The following BTD variants were observed in gnomAD, a reference collection of about 807,000 sequenced individuals.
BTD encodes the protein biotinidase.
BTD carries 13 observed loss-of-function variants against 17.7 expected under a neutral mutation model. The ratio of observed to expected loss-of-function variants is 0.74; its 90% CI spans 0.48 to 1.17. The LOEUF is 1.17. Among genes scored for constraint, BTD ranks in the 50% most tolerant of loss-of-function variants. The pLI is 0.00. For synonymous variants in BTD, 240 were observed against 245.2 expected, an observed-to-expected ratio of 0.98 and a Z score of 0.20; for missense variants, 674 against 650.4, an observed-to-expected ratio of 1.04 and a Z score of -0.39.
At position 15,650,780 on chromosome 3, in the gene BTD, G is replaced by GT. The variant is rs1048237857; in HGVS notation, c.*5299dup. Among the ~76,000 whole-genome samples, 2 of 151,986 alleles carry GT rather than the reference G, an allele frequency of 1.3e-5. No individual in the cohort carries two copies. Among genetic ancestry groups the GT allele is most frequent in the East Asian group, 1.9e-4 (1 of 5,184 alleles). On this transcript the variant is annotated 3_prime_UTR_variant, in exon 4 of 4. Transcript: ENST00000643237. ...GGCCAGAGAGCTGTGATATTCTTTT[G>GT]TTTTTTTGAGATGGAGTCTTGCTCT... is the stretch of plus-strand genomic sequence containing the variant.
intron 1 of BTD, among the ~76,000 whole-genome samples, chr3:15,633,127 A>G (rs1455086400): frequency 2.6e-5 from 4 of 152,196 alleles, no homozygotes; most frequent in Non-Finnish European, 5.9e-5. Flanking sequence ...TAAATGCTAT[A>G]TAAATAATTG....
At chr3:15,636,309 T>C (rs1173661269) in intron 2 of BTD, among the ~76,000 whole-genome samples, 1 of 152,186 alleles carries the variant, frequency 6.6e-6, no homozygotes, top group African/African-American at 2.4e-5. Context: ...ACGATCAGTC[T>C]GAGACCTTCG....
At chr3:15,713,153 G>C (rs980820661), downstream of BTD, among the ~76,000 whole-genome samples, 1 of 152,116 alleles carries the variant, frequency 6.6e-6, no homozygotes, top group Admixed American at 6.5e-5. Context: ...GCACAGCACA[G>C]CCTGAAAAGT....
downstream of BTD, among the ~76,000 whole-genome samples, chr3:15,655,655 C>T (rs554970464): frequency 6.6e-6 from 1 of 152,236 alleles, no homozygotes. Flanking sequence ...AAGGTCCTCT[C>T]TCTGTAAAAG....
At chr3:15,691,216 T>C (rs890649762) in intron 3 of BTD, among the ~76,000 whole-genome samples, 2 of 151,344 alleles carry the variant, frequency 1.3e-5, no homozygotes, top group African/African-American at 2.4e-5. Context: ...TCCGCCTCCC[T>C]GGGTTCAAGC....
At chr3:15,657,977 G>A (rs2065887839), downstream of BTD, among the ~76,000 whole-genome samples, 1 of 152,112 alleles carries the variant, frequency 6.6e-6, no homozygotes, top group Non-Finnish European at 1.5e-5. Context: ...AGACCAGCCT[G>A]GCCAACGTGG....
In BTD at chr3:15,705,567, T is replaced by C. The variant is rs138744053; in HGVS notation, c.400-4493T>C. On this transcript the variant is annotated intron_variant, in intron 3 of 3. Transcript: ENST00000672141. The stretch of plus-strand genomic sequence containing the variant: ...ACCATGAAATTATAAAACTGATAAA[T>C]TAGGGATAAGCTACTTATCCAAGTT... Among the ~76,000 whole-genome samples the C allele has an allele frequency of 2.1e-4, 32 of 152,326 alleles. No homozygotes were observed. In the East Asian group the frequency reaches 6.0e-3, roughly 28 times the overall value.
chr3:15,602,004 G>A, intron 1 of BTD, 110 bp downstream of exon 1: 1 of 1,534,412 alleles, frequency 6.5e-7, no homozygotes, highest in Non-Finnish European at 8.8e-7. Context: ...AAGGCTGCCG[G>A]GAGCTGGGAA....
chr3:15,679,353 A>G, intron 3 of BTD: 1 of 1,614,008 alleles, frequency 6.2e-7, no homozygotes, highest in East Asian at 2.2e-5. Flanking sequence ...GTATCAATTA[A>G]CATCTCAGCA....
chr3:15,681,249 G>A (rs1172531057), intron 3 of BTD, among the ~76,000 whole-genome samples: 1 of 151,970 alleles, frequency 6.6e-6, no homozygotes, highest in Non-Finnish European at 1.5e-5. Flanking sequence ...ATTGTTTAGG[G>A]AATAATGACA....
Position 15,644,389 on chromosome 3 carries a change from C to G in BTD, c.473C>G (p.Pro158Arg). The change falls in exon 4 of 4, where the codon CCT (proline) becomes CGT (arginine). Residue 158 changes from proline to arginine, a missense_variant. Pro to Arg is a moderately radical substitution (Grantham distance 103, BLOSUM62 -2). Coordinates refer to ENST00000643237, the MANE Select transcript of BTD (RefSeq NM_001370658.1). ...GTGGCCAATCTTGGGACAAAGGAGC[C>G]TTGTCATAGCAGTGACCCAAGGTGC... ...FLVANLGTKE[P>R]CHSSDPRCPK... 1 of 1,614,114 alleles carries G rather than the reference C, an allele frequency of 6.2e-7. No homozygotes were observed. Among genetic ancestry groups the G allele is most frequent in the South Asian group, 1.1e-5 (1 of 91,066 alleles).
intron 3 of BTD, among the ~76,000 whole-genome samples, chr3:15,666,451 C>T (rs751615275): frequency 1.1e-3 from 174 of 152,318 alleles, no homozygotes; most frequent in Admixed American, 4.1e-3. Context: ...GTACCTACCA[C>T]GTAGAACAGT....
At chr3:15,643,578 T>A (rs1197570522) in intron 3 of BTD, among the ~76,000 whole-genome samples, 2 of 152,142 alleles carry the variant, frequency 1.3e-5, no homozygotes, top group African/African-American at 4.8e-5. Flanking sequence ...ATTTCATTGT[T>A]GTAATTTGCA....
intron 3 of BTD, among the ~76,000 whole-genome samples, chr3:15,690,589 G>A (rs2125824575): frequency 6.6e-6 from 1 of 152,192 alleles, no homozygotes; most frequent in African/African-American, 2.4e-5. Context: ...TTTTGAGACA[G>A]GGTCTTGCTC....
At chr3:15,678,400 T>C (rs1230894573) in intron 3 of BTD, 5 of 1,528,704 alleles carry the variant, frequency 3.3e-6, no homozygotes, top group Non-Finnish European at 3.5e-6. Context: ...TTGAATGTTA[T>C]ATATGCTGGA....
downstream of BTD, among the ~76,000 whole-genome samples, chr3:15,715,403 C>T (rs1282020661): frequency 6.6e-6 from 1 of 152,210 alleles, no homozygotes; most frequent in African/African-American, 2.4e-5. Context: ...TATGCTAACA[C>T]TGTACAACGC....
At chr3:15,628,332 T>C (rs1575002801) in intron 1 of BTD, among the ~76,000 whole-genome samples, 3 of 152,378 alleles carry the variant, frequency 2.0e-5, no homozygotes, top group Admixed American at 2.0e-4. Flanking sequence ...CAATCAGCAA[T>C]ATTGTGTCCA....
chr3:15,714,385 A>T (rs2072722782), downstream of BTD, among the ~76,000 whole-genome samples: 1 of 152,108 alleles, frequency 6.6e-6, no homozygotes, highest in Admixed American at 6.6e-5. Context: ...CATAAAAAAC[A>T]AAAGTATGAA....
At chr3:15,673,810 A>G (rs1236111978) in intron 3 of BTD, among the ~76,000 whole-genome samples, 1 of 152,144 alleles carries the variant, frequency 6.6e-6, no homozygotes, top group Non-Finnish European at 1.5e-5. Flanking sequence ...GGCATGGCAG[A>G]ATGAAGTAGA....
Sources: gnomAD v4.1 joint callset for allele counts (sites outside exome capture counted in the v4.1 genomes callset) on GRCh38, gnomAD v4.1.1 for gene constraint, MANE v1.5 for transcripts, NCBI Gene and HGNC (gene_info 2026-07-23, HGNC 2026-07-21) for gene names.